Variants in CACNA2D1 observed in about 807,000 individuals in gnomAD.
The protein encoded by CACNA2D1 is voltage-dependent calcium channel subunit alpha-2/delta-1.
Under a neutral mutation model 171.5 loss-of-function variants are expected in CACNA2D1, and 53 were observed. The observed-to-expected ratio is 0.31, with a 90% CI of 0.25 to 0.39. The LOEUF is 0.39. Ranked by LOEUF, CACNA2D1 falls within the 10% of genes least tolerant of loss-of-function variation. The pLI, the probability that CACNA2D1 is intolerant of heterozygous loss-of-function variation, is 1.00. For synonymous variants in CACNA2D1, 442 were observed against 443.1 expected, an observed-to-expected ratio of 1.00 and a Z score of 0.03; for missense variants, 903 against 1,299.8, an observed-to-expected ratio of 0.69 and a Z score of 4.69.
chr7:81,979,299 A>T (rs961276141), intron 24 of CACNA2D1, among the ~76,000 whole-genome samples: 2 of 150,160 alleles, frequency 1.3e-5, no homozygotes, highest in Non-Finnish European at 3.0e-5. Flanking sequence ...AAAACTTTGA[A>T]TTGTAAAAAA....
chr7:82,025,975 C>T lies in CACNA2D1; in HGVS notation c.1143+6822G>A, dbSNP rs1165709080. On this transcript the variant is annotated intron_variant, in intron 12 of 38. Transcript: ENST00000356860. ...TATTTAGATGTTCTGATGTTGGGTG[C>T]ATACATCTTTGTTATATATTATTGC... is the stretch of plus-strand genomic sequence containing the variant. 1.0e-4 allele frequency among the ~76,000 whole-genome samples: 15 copies of T among 150,588 alleles called. No individual in the cohort carries two copies. The East Asian group carries it at 2.9e-3, about 29-fold the overall frequency.
intron 3 of CACNA2D1, among the ~76,000 whole-genome samples, chr7:82,305,600 G>C (rs911584390): frequency 6.6e-6 from 1 of 152,056 alleles, no homozygotes; most frequent in Non-Finnish European, 1.5e-5. Context: ...AACCTGTCTT[G>C]CCATGCTCCA....
At chr7:82,442,446 A>G (rs983322888) in intron 1 of CACNA2D1, among the ~76,000 whole-genome samples, 1 of 152,194 alleles carries the variant, frequency 6.6e-6, no homozygotes, top group East Asian at 1.9e-4. Flanking sequence ...CGGATAGGCT[A>G]TTCGGTGCAT....
chr7:82,090,862 AT>A (rs1482983317), intron 6 of CACNA2D1, among the ~76,000 whole-genome samples: 1 of 152,148 alleles, frequency 6.6e-6, no homozygotes, highest in African/African-American at 2.4e-5. Context: ...AACAAAAGAT[AT>A]CTTTTGTGGC....
intron 10 of CACNA2D1, among the ~76,000 whole-genome samples, chr7:82,038,509 T>A (rs541556734): frequency 6.6e-6 from 1 of 152,266 alleles, no homozygotes; most frequent in Admixed American, 6.5e-5. Context: ...TGACATCCCT[T>A]CTAGTTCTCA....
At position 82,106,465 on chromosome 7, in the gene CACNA2D1, T is replaced by C. The variant is rs376846396; in HGVS notation, c.526+10579A>G. On this transcript the variant is annotated intron_variant, in intron 6 of 38. Transcript: ENST00000356860. ...CTTCTGATTTCCAGCTGTCAATTTA[T>C]AGAGGCACTGAATTTTGCACACATT... is the stretch of plus-strand genomic sequence containing the variant. 1.7e-4 allele frequency among the ~76,000 whole-genome samples: 26 copies of C among 152,314 alleles called. 1 individual carries two copies. In the East Asian group the frequency reaches 4.2e-3, roughly 25 times the overall value.
At chr7:82,136,237 G>T (rs1168120999) in intron 5 of CACNA2D1, among the ~76,000 whole-genome samples, 2 of 152,128 alleles carry the variant, frequency 1.3e-5, no homozygotes, top group Non-Finnish European at 2.9e-5. Context: ...TGAAGTAAAT[G>T]GTTCTCCCTG....
intron 38 of CACNA2D1, among the ~76,000 whole-genome samples, chr7:81,956,845 G>GTAAATGAAGAACTAAATGAAGAAC (rs79221861): frequency 6.6e-6 from 1 of 151,352 alleles, no homozygotes; most frequent in Admixed American, 6.6e-5. Flanking sequence ...TTGCAAAACA[G>GTAAATGAAGAACTAAATGAAGAAC]TAAATGAAGA....
intron 10 of CACNA2D1, among the ~76,000 whole-genome samples, chr7:82,042,491 C>G (rs1463116929): frequency 6.6e-6 from 1 of 152,086 alleles, no homozygotes; most frequent in Non-Finnish European, 1.5e-5. Context: ...TTTAACATGA[C>G]AGAGTCAGAA....
Position 82,343,165 on chromosome 7 carries a change from G to A in CACNA2D1, c.177+6403C>T, listed in dbSNP as rs933552435. On this transcript the variant is annotated intron_variant, in intron 2 of 38. Transcript: ENST00000356860. ...TAGCATTCTAATACCAAACTCACGA[G>A]TCTCCCTAGCCACTCTATTCTTTCT... is the stretch of plus-strand genomic sequence containing the variant. The A allele has an allele frequency of 3.9e-5, 6 of 152,112 alleles. 1 individual carries two copies. The highest frequency in any genetic ancestry group is 2.0e-4 in the Admixed American group (3 of 15,278). The allele number at this position is 152,112 out of a possible 1,614,324, so 9.4% of individuals were successfully genotyped here. A position where few individuals can be genotyped will look rare whatever the true frequency, so the allele number is the denominator to read the frequency against.
chr7:82,018,566 C>T (rs1800790172), intron 12 of CACNA2D1, among the ~76,000 whole-genome samples: 1 of 152,094 alleles, frequency 6.6e-6, no homozygotes, highest in Non-Finnish European at 1.5e-5. Flanking sequence ...GCAAAATATA[C>T]TTAGTACACT....
At chr7:82,317,010 A>T (rs764666845) in intron 3 of CACNA2D1, among the ~76,000 whole-genome samples, 1 of 152,184 alleles carries the variant, frequency 6.6e-6, no homozygotes, top group Non-Finnish European at 1.5e-5. Flanking sequence ...TTAACACTAG[A>T]AAGTAAATCA....
At chr7:81,992,985 T>C (rs1207776257) in intron 20 of CACNA2D1, among the ~76,000 whole-genome samples, 1 of 152,182 alleles carries the variant, frequency 6.6e-6, no homozygotes, top group African/African-American at 2.4e-5. Context: ...ACAAACCAGA[T>C]TCACTTGGGC....
intron 1 of CACNA2D1, among the ~76,000 whole-genome samples, chr7:82,369,909 T>A (rs1371314138): frequency 6.6e-6 from 1 of 152,116 alleles, no homozygotes; most frequent in Admixed American, 6.5e-5. Context: ...TTTATTATTT[T>A]CAACTTGTAA....
At chr7:82,137,968 T>A (rs1227949105) in intron 4 of CACNA2D1, among the ~76,000 whole-genome samples, 3 of 152,080 alleles carry the variant, frequency 2.0e-5, no homozygotes, top group African/African-American at 7.2e-5. Flanking sequence ...CCTTTCCCCC[T>A]CCCCGCAAAA....
intron 3 of CACNA2D1, among the ~76,000 whole-genome samples, chr7:82,240,002 T>C (rs1804062581): frequency 6.6e-6 from 1 of 152,220 alleles, no homozygotes; most frequent in Non-Finnish European, 1.5e-5. Flanking sequence ...ATAATGTAGA[T>C]GCTATTTGCT....
intron 1 of CACNA2D1, among the ~76,000 whole-genome samples, chr7:82,431,401 T>A (rs59236870): frequency 0.057 from 8,708 of 152,246 alleles, 302 homozygotes; most frequent in Non-Finnish European, 0.079. Context: ...ATCCTCACGA[T>A]AACATTGGAT....
chr7:82,259,051 A>C (rs1327172179), intron 3 of CACNA2D1, among the ~76,000 whole-genome samples: 1 of 152,000 alleles, frequency 6.6e-6, no homozygotes, highest in East Asian at 1.9e-4. Flanking sequence ...CTGGTCTTGA[A>C]ATCCTGACCT....
intron 24 of CACNA2D1, 85 bp downstream of exon 24, chr7:81,982,482 C>T (rs1000605644): frequency 6.6e-5 from 52 of 793,572 alleles, no homozygotes; most frequent in Non-Finnish European, 1.0e-4. Flanking sequence ...TGGAACTAAC[C>T]CAGAGCAGTC....
Sources: allele counts gnomAD v4.1 joint callset (sites outside exome capture counted in the v4.1 genomes callset), GRCh38; gene constraint gnomAD v4.1.1; transcripts MANE v1.5; gene names NCBI Gene and HGNC (gene_info 2026-07-23, HGNC 2026-07-21).